Variants in CLPB observed in about 807,000 individuals in gnomAD.
CLPB encodes mitochondrial disaggregase.
Under a neutral mutation model 78.4 loss-of-function variants are expected in CLPB, and 40 were observed. That is an observed-to-expected ratio of 0.51 (90% confidence interval 0.40 to 0.66). CLPB has a LOEUF of 0.66. Ranked by LOEUF, CLPB falls within the 30% of genes least tolerant of loss-of-function variation. The probability of loss-of-function intolerance (pLI) is 0.00; values close to 1 mark genes in which losing one functional copy is unlikely to be tolerated. For missense variants in CLPB, 780 were observed against 886.9 expected (o/e 0.88, Z 1.53); for synonymous variants, 333 against 348.0 (o/e 0.96, Z 0.48).
chr11:72,376,302 T>C (rs1032416688), intron 4 of CLPB, among the ~76,000 whole-genome samples: 1 of 152,132 alleles, frequency 6.6e-6, no homozygotes, highest in Non-Finnish European at 1.5e-5. Context: ...TGGCAGTCAA[T>C]ATATATTGGT....
intron 4 of CLPB, among the ~76,000 whole-genome samples, chr11:72,366,097 A>G (rs776088304): frequency 6.6e-6 from 1 of 152,240 alleles, no homozygotes; most frequent in African/African-American, 2.4e-5. Flanking sequence ...ACAGCAAAAC[A>G]AACTATCAAC....
chr11:72,360,655 T>G (rs2135620635), intron 4 of CLPB, among the ~76,000 whole-genome samples: 1 of 152,216 alleles, frequency 6.6e-6, no homozygotes, highest in South Asian at 2.1e-4. Flanking sequence ...CAGGCTGGTC[T>G]CAAACTCCCG....
chr11:72,297,800 C>T (rs1182030201), intron 11 of CLPB, among the ~76,000 whole-genome samples: 1 of 151,940 alleles, frequency 6.6e-6, no homozygotes, highest in African/African-American at 2.4e-5. Flanking sequence ...CTATACTGGC[C>T]AGAGCAATAA....
chr11:72,293,325 T>G lies in CLPB; in HGVS notation c.*42A>C. 1 of 1,597,744 alleles carries G rather than the reference T, an allele frequency of 6.3e-7. No individual in the cohort carries two copies. The highest frequency in any genetic ancestry group is 1.7e-5 in the Admixed American group (1 of 59,252). On this transcript the variant is annotated 3_prime_UTR_variant, in exon 16 of 16. Coordinates refer to ENST00000538039, the MANE Select transcript of CLPB (RefSeq NM_001258392.3). The stretch of plus-strand genomic sequence containing the variant: ...GTTGCCATGCCACAGCCAAGGGGCC[T>G]TTATTGGATGGTGAGGGCACATAGG...
intron 2 of CLPB, 136 bp downstream of exon 2, chr11:72,430,176 G>T: frequency 1.2e-6 from 1 of 808,266 alleles, no homozygotes; most frequent in Non-Finnish European, 2.1e-6. Flanking sequence ...GTGACTCTGT[G>T]ACTACAGAGA....
In CLPB at chr11:72,343,308, T is replaced by C. The variant is rs144597701; in HGVS notation, c.776-13504A>G. On this transcript the variant is annotated intron_variant, in intron 5 of 15. Transcript: ENST00000538039. ...CAGAAACCAATGAAATATTTTTTGCTAATTGCACTTCCCTATATGGAGAGA... is the reference window on the plus strand; with the variant it reads ...CAGAAACCAATGAAATATTTTTTGCCAATTGCACTTCCCTATATGGAGAGA... 6.0e-3 allele frequency among the ~76,000 whole-genome samples: 918 copies of C among 152,296 alleles called. 9 individuals carry two copies. The highest frequency in any genetic ancestry group is 0.021 in the African/African-American group (876 of 41,546).
chr11:72,297,702 T>TGTGTGTGTGTGTGTGTGTGTGA (rs1464583884), intron 11 of CLPB, among the ~76,000 whole-genome samples: 2 of 129,658 alleles, frequency 1.5e-5, no homozygotes, highest in Admixed American at 7.6e-5. Flanking sequence ...TGTGTGTGTG[T>TGTGTGTGTGTGTGTGTGTGTGA]GACATGTCCA....
At chr11:72,347,060 G>A (rs1950530143) in intron 5 of CLPB, among the ~76,000 whole-genome samples, 1 of 151,258 alleles carries the variant, frequency 6.6e-6, no homozygotes, top group South Asian at 2.1e-4. Flanking sequence ...TAGAGGGAAA[G>A]GGGTTCTTGC....
At chr11:72,308,674 T>A in intron 7 of CLPB, 70 bp from the exon 8 acceptor site, 1 of 1,297,592 alleles carries the variant, frequency 7.7e-7, no homozygotes, top group Non-Finnish European at 1.1e-6. Flanking sequence ...AAAGGCAGGA[T>A]AATTATCACT....
At chr11:72,409,970 G>A (rs1246551880) in intron 2 of CLPB, among the ~76,000 whole-genome samples, 1 of 150,108 alleles carries the variant, frequency 6.7e-6, no homozygotes, top group Non-Finnish European at 1.5e-5. Context: ...GTGAGACTCC[G>A]TATAAAAAAA....
At chr11:72,297,254 G>A (rs1036966028) in intron 11 of CLPB, among the ~76,000 whole-genome samples, 3 of 152,232 alleles carry the variant, frequency 2.0e-5, no homozygotes, top group East Asian at 1.9e-4. Context: ...GGCCCTGCCC[G>A]AGCTTCAGGG....
intron 5 of CLPB, chr11:72,351,269 C>T (rs750097565): frequency 4.6e-5 from 7 of 152,202 alleles, no homozygotes; most frequent in African/African-American, 9.7e-5. Context: ...CTCTTTGCCA[C>T]ACAGTGTGAC....
chr11:72,326,040 A>G lies in CLPB; in HGVS notation c.873+3667T>C, dbSNP rs185570548. On this transcript the variant is annotated intron_variant, in intron 6 of 15. Transcript: ENST00000538039. ...ATAACAACTTGGTTTTCTGTAAATC[A>G]TCTGCTTGCTTTCCTGCAGCTTTAG... 1.7e-4 allele frequency among the ~76,000 whole-genome samples: 26 copies of G among 152,290 alleles called. No homozygotes were observed. In the East Asian group the frequency reaches 5.0e-3, roughly 29 times the overall value.
At position 72,371,455 on chromosome 11, in the gene CLPB, G is replaced by A. The variant is rs183298720; in HGVS notation, c.646+8826C>T. Among the ~76,000 whole-genome samples, 117 of 151,874 alleles carry A rather than the reference G, an allele frequency of 7.7e-4. No individual in the cohort carries two copies. In the East Asian group the frequency reaches 0.018, roughly 23 times the overall value. On this transcript the variant is annotated intron_variant, in intron 4 of 15. Coordinates refer to ENST00000538039, the MANE Select transcript of CLPB (RefSeq NM_001258392.3). ...GAGGCATAGGAATTGCTTGAACCCA[G>A]GAGGCGGAGGTTGCAGAGAGCTGAG...
chr11:72,307,166 A>T, intron 9 of CLPB, 33 bp downstream of exon 9: 1 of 1,602,504 alleles, frequency 6.2e-7, no homozygotes, highest in Non-Finnish European at 8.5e-7. Flanking sequence ...GGTCTCCACG[A>T]TCTGCAGATC....
chr11:72,434,148 G>A lies in CLPB; in HGVS notation c.327C>T (p.Ser109=). The part of the protein sequence containing the change: ...PGQDSWNGVP[S]RAGLGMCALA... ...GGGCGCACATGCCCAGTCCGGCCCT[G>A]CTGGGGACCCCGTTCCAGCTGTCCT... is the stretch of plus-strand genomic sequence containing the variant. The change falls in exon 1 of 16, where the codon AGC becomes AGT. Residue 109 remains serine, a synonymous_variant. Transcript: ENST00000538039. 3 of 1,612,684 alleles carry A rather than the reference G, an allele frequency of 1.9e-6. No homozygotes were observed. Among genetic ancestry groups the A allele is most frequent in the Non-Finnish European group, 1.7e-6 (2 of 1,180,018 alleles).
At chr11:72,415,872 G>A (rs1386549638) in intron 2 of CLPB, among the ~76,000 whole-genome samples, 1 of 152,176 alleles carries the variant, frequency 6.6e-6, no homozygotes, top group Non-Finnish European at 1.5e-5. Context: ...ATGCCACACT[G>A]GAATTCAGAG....
In CLPB at chr11:72,294,664, T is replaced by C. The variant is rs2135486381; in HGVS notation, c.1516A>G (p.Ile506Val). ...GDVQISDKITISKNFKENVIR... is the reference protein window; with the variant it reads ...GDVQISDKITVSKNFKENVIR... ...ACATTCTCCTTGAAGTTCTTTGAGATGGTGATCTTGTCACTTATCTGGACA... is the reference window on the plus strand; with the variant it reads ...ACATTCTCCTTGAAGTTCTTTGAGACGGTGATCTTGTCACTTATCTGGACA... Residue 506 changes from isoleucine to valine, a missense_variant, in exon 13 of 16, where the codon ATC becomes GTC. Ile to Val is a conservative substitution (Grantham distance 29, BLOSUM62 3). Coordinates refer to ENST00000538039, the MANE Select transcript of CLPB (RefSeq NM_001258392.3). 2.5e-6 allele frequency: 4 copies of C among 1,614,194 alleles called. No individual in the cohort carries two copies. The highest frequency in any genetic ancestry group is 4.5e-5 in the East Asian group (2 of 44,886).
At chr11:72,363,629 T>C (rs1950883858) in intron 4 of CLPB, 1 of 152,164 alleles carries the variant, frequency 6.6e-6, no homozygotes, top group South Asian at 2.1e-4. Context: ...ACAATCCATG[T>C]AGGACCGACA....
Sources: allele counts gnomAD v4.1 joint callset (sites outside exome capture counted in the v4.1 genomes callset), GRCh38; gene constraint gnomAD v4.1.1; transcripts MANE v1.5; gene names NCBI Gene and HGNC (gene_info 2026-07-23, HGNC 2026-07-21).